PAM: variants seen among roughly 807,000 people sequenced by gnomAD.
PAM encodes peptidylglycine alpha-amidating monooxygenase.
In PAM, 72 loss-of-function variants were observed where a neutral mutation model predicts 122.1. The ratio of observed to expected loss-of-function variants is 0.59; its 90% CI spans 0.49 to 0.72. PAM has a LOEUF of 0.72. Among genes scored for constraint, PAM ranks in the 30% least tolerant of loss-of-function variants. PAM has a pLI of 0.00. For synonymous variants in PAM, 389 were observed against 404.4 expected (o/e 0.96, Z 0.46); for missense variants, 1,106 against 1,183.7 (o/e 0.93, Z 0.96).
Position 102,961,186 on chromosome 5 carries a change from A to C in PAM, c.1119A>C (p.Leu373Phe). The C allele has an allele frequency of 6.3e-7, 1 of 1,582,320 alleles. No homozygotes were observed. The highest frequency in any genetic ancestry group is 8.7e-7 in the Non-Finnish European group (1 of 1,151,738). The change falls in exon 14 of 26, where the codon TTA becomes TTC. Residue 373 changes from leucine (L) to phenylalanine (F), a missense_variant. By Grantham distance (22) the Leu-to-Phe change is conservative. This residue lies in a region of PAM where 670 missense variants were observed against 690.3 expected (regional missense o/e 0.97). Coordinates refer to ENST00000438793, the MANE Select transcript of PAM (RefSeq NM_001177306.2). ...KETEYKDKIPLLQQPKREEEE... is the reference protein window; with the variant it reads ...KETEYKDKIPFLQQPKREEEE... Reference sequence around the variant, plus strand: ...CAGAATATAAAGATAAGATTCCTTTACTACAGCAGCCAAAACGAGAAGAAG... The same window carrying C: ...CAGAATATAAAGATAAGATTCCTTTCCTACAGCAGCCAAAACGAGAAGAAG...
At position 102,884,371 on chromosome 5, in the gene PAM, T is replaced by C. The variant is rs561761152; in HGVS notation, c.210+16978T>C. Among the ~76,000 whole-genome samples, 15 of 151,948 alleles carry C rather than the reference T, an allele frequency of 9.9e-5. No homozygotes were observed. In the South Asian group the frequency reaches 3.1e-3, roughly 32 times the overall value. On this transcript the variant is annotated intron_variant, in intron 3 of 25. Coordinates refer to ENST00000438793, the MANE Select transcript of PAM (RefSeq NM_001177306.2). Reference sequence around the variant, plus strand: ...CCATACAGAGCCTCTAATTGATAAATGTTTCATTCCTATTCCCCTGCTTTG... The same window carrying C: ...CCATACAGAGCCTCTAATTGATAAACGTTTCATTCCTATTCCCCTGCTTTG...
At chr5:102,825,643 A>C (rs1441317275) in intron 1 of PAM, among the ~76,000 whole-genome samples, 5 of 152,140 alleles carry the variant, frequency 3.3e-5, no homozygotes, top group Non-Finnish European at 7.4e-5. Context: ...GAGTAATGAA[A>C]ATACTACTTC....
rs1797486113 is a variant in PAM, at chr5:102,900,466, T to G, written c.211-890T>G. Among the ~76,000 whole-genome samples, 4 of 151,574 alleles carry G rather than the reference T, an allele frequency of 2.6e-5. No homozygotes were observed. In the Admixed American group the frequency reaches 2.6e-4, roughly 10 times the overall value. On this transcript the variant is annotated intron_variant, in intron 3 of 25. Coordinates refer to ENST00000438793, the MANE Select transcript of PAM (RefSeq NM_001177306.2). ...TGTTTGATGTGTACTTGAACCCCCTTGTTTTTTAACACACAAGTAGAAACA... is the reference window on the plus strand; with the variant it reads ...TGTTTGATGTGTACTTGAACCCCCTGGTTTTTTAACACACAAGTAGAAACA...
intron 7 of PAM, among the ~76,000 whole-genome samples, chr5:102,927,316 A>T (rs976392552): frequency 2.0e-5 from 3 of 152,182 alleles, no homozygotes; most frequent in African/African-American, 7.2e-5. Context: ...ACCAAGATCA[A>T]TGCTTGTTAC....
intron 1 of PAM, among the ~76,000 whole-genome samples, chr5:102,769,634 G>C (rs6886837): frequency 0.01 from 1,521 of 151,982 alleles, 25 homozygotes; most frequent in African/African-American, 0.035. Flanking sequence ...GTTTGTTCTG[G>C]GCAACTTTGT....
At chr5:102,881,906 C>A (rs192610473) in intron 3 of PAM, among the ~76,000 whole-genome samples, 1 of 140,884 alleles carries the variant, frequency 7.1e-6, no homozygotes, top group African/African-American at 3.1e-5. Context: ...CATAGCTTAA[C>A]TCCCAACTTA....
intron 1 of PAM, among the ~76,000 whole-genome samples, chr5:102,843,734 A>T (rs1779263119): frequency 1.3e-5 from 2 of 152,356 alleles, no homozygotes; most frequent in Admixed American, 1.3e-4. Flanking sequence ...AGATCTATAG[A>T]TGACACATAA....
chr5:102,888,030 C>T (rs924528912), intron 3 of PAM, among the ~76,000 whole-genome samples: 7 of 151,978 alleles, frequency 4.6e-5, no homozygotes, highest in African/African-American at 1.2e-4. Context: ...TGCAGTTTCA[C>T]ATTTGTTAGC....
chr5:102,851,081 T>C (rs1171704813), intron 1 of PAM, among the ~76,000 whole-genome samples: 1 of 152,202 alleles, frequency 6.6e-6, no homozygotes, highest in African/African-American at 2.4e-5. Flanking sequence ...AGGAGAACTC[T>C]GCTCAGTAAT....
intron 1 of PAM, among the ~76,000 whole-genome samples, chr5:102,773,201 A>G (rs1297343771): frequency 6.6e-6 from 1 of 152,146 alleles, no homozygotes; most frequent in Non-Finnish European, 1.5e-5. Flanking sequence ...TGAAATTTAC[A>G]TTTTGTTGTA....
chr5:102,857,666 T>G (rs1327376686), intron 1 of PAM, among the ~76,000 whole-genome samples: 1 of 152,198 alleles, frequency 6.6e-6, no homozygotes, highest in Non-Finnish European at 1.5e-5. Flanking sequence ...ACCATGGGCA[T>G]GTTACCAATT....
At chr5:102,914,412 T>A (rs1802492061) in intron 5 of PAM, among the ~76,000 whole-genome samples, 2 of 152,206 alleles carry the variant, frequency 1.3e-5, no homozygotes, top group African/African-American at 4.8e-5. Context: ...CCATGTAACA[T>A]GTTCCCCTGG....
chr5:102,784,999 T>C (rs1760119444), intron 1 of PAM, among the ~76,000 whole-genome samples: 1 of 152,218 alleles, frequency 6.6e-6, no homozygotes, highest in Non-Finnish European at 1.5e-5. Flanking sequence ...CGCATATAAT[T>C]GGTTTAGGAT....
chr5:102,947,903 T>C (rs191445850), intron 8 of PAM, among the ~76,000 whole-genome samples: 6 of 152,250 alleles, frequency 3.9e-5, no homozygotes, highest in African/African-American at 1.4e-4. Flanking sequence ...CCTAAATCCA[T>C]TGAGCCAATT....
rs1221032991 is a variant in PAM at position 102,948,667 on chromosome 5, G to A, written c.643+222G>A. ...CTTTATTGAGATGCTAGGAATTGAG[G>A]CCCTTGTGTAGGTGTGTATTATATA... is the stretch of plus-strand genomic sequence containing the variant. On this transcript the variant is annotated intron_variant, in intron 9 of 25. Transcript: ENST00000438793. Among the ~76,000 whole-genome samples the A allele has an allele frequency of 2.6e-5, 4 of 152,086 alleles. No homozygotes were observed. In the East Asian group the frequency reaches 7.7e-4, roughly 29 times the overall value.
intron 1 of PAM, among the ~76,000 whole-genome samples, chr5:102,860,317 G>C (rs1217681063): frequency 2.0e-5 from 3 of 152,190 alleles, no homozygotes; most frequent in Admixed American, 6.5e-5. Flanking sequence ...TTCACAAAGG[G>C]CAAGTGAGAT....
intron 12 of PAM, among the ~76,000 whole-genome samples, chr5:102,955,675 GTCA>G (rs1489939806): frequency 2.6e-5 from 4 of 152,036 alleles, no homozygotes; most frequent in African/African-American, 9.7e-5. Flanking sequence ...AATGCCAGCA[GTCA>G]TCATTTTAAG....
chr5:102,884,651 A>G (rs1326242897), intron 3 of PAM, among the ~76,000 whole-genome samples: 4 of 151,928 alleles, frequency 2.6e-5, no homozygotes, highest in Non-Finnish European at 5.9e-5. Context: ...TAATATTTCA[A>G]TAACCCTCTT....
At chr5:102,966,469 A>G (rs1764107799) in intron 14 of PAM, among the ~76,000 whole-genome samples, 1 of 152,108 alleles carries the variant, frequency 6.6e-6, no homozygotes, top group Admixed American at 6.6e-5. Flanking sequence ...AATGAGCCCT[A>G]TAAGGGGAAG....
Sources: allele counts gnomAD v4.1 joint callset (sites outside exome capture counted in the v4.1 genomes callset), GRCh38; gene constraint gnomAD v4.1.1; regional missense constraint gnomAD v4.1.1; transcripts MANE v1.5; gene names NCBI Gene and HGNC (gene_info 2026-07-23, HGNC 2026-07-21).